Variants in WDR11 observed in about 807,000 individuals in gnomAD.
WDR11 encodes WD repeat domain 11.
Under a neutral mutation model 151.2 loss-of-function variants are expected in WDR11, and 83 were observed. That is an observed-to-expected ratio of 0.55 (90% CI 0.46 to 0.66). The LOEUF is 0.66. Among genes scored for constraint, WDR11 ranks in the 30% least tolerant of loss-of-function variants. The pLI is 0.00. For synonymous variants in WDR11, 484 were observed against 533.1 expected (o/e 0.91, Z 1.27); for missense variants, 1,301 against 1,480.9 (o/e 0.88, Z 1.99).
chr10:120,896,788 G>A (rs1847629780), intron 19 of WDR11, among the ~76,000 whole-genome samples: 1 of 152,100 alleles, frequency 6.6e-6, no homozygotes, highest in African/African-American at 2.4e-5. Context: ...TGGCGGTGGT[G>A]GGAAGAAACA....
At chr10:120,889,763 G>T (rs1847354026) in intron 17 of WDR11, 132 bp from the exon 18 acceptor site, 1 of 727,440 alleles carries the variant, frequency 1.4e-6, no homozygotes, top group Non-Finnish European at 2.5e-6. Flanking sequence ...GTGGCCCCCA[G>T]TCCCAGCAAG....
At chr10:120,889,565 C>T in intron 17 of WDR11, 1 of 419,456 alleles carries the variant, frequency 2.4e-6, no homozygotes, top group Non-Finnish European at 4.4e-6. Flanking sequence ...GATATGGTTC[C>T]ATTAGAGGCT....
intron 24 of WDR11, 31 bp from the exon 25 acceptor site, chr10:120,904,615 T>C: frequency 6.2e-7 from 1 of 1,613,870 alleles, no homozygotes; most frequent in Non-Finnish European, 8.5e-7. Context: ...GAAAATGTTC[T>C]CATAATTAGA....
chr10:120,885,480 C>T (rs4372362), intron 14 of WDR11, among the ~76,000 whole-genome samples: 1 of 151,748 alleles, frequency 6.6e-6, no homozygotes, highest in Non-Finnish European at 1.5e-5. Context: ...GACCCTGGTT[C>T]GAGAACTGTG....
chr10:120,859,260 CTTTTTTTTTTTCT>C (rs1331199704), intron 3 of WDR11, among the ~76,000 whole-genome samples: 6 of 136,228 alleles, frequency 4.4e-5, no homozygotes, highest in African/African-American at 1.7e-4. Flanking sequence ...GTACGGTATT[CTTTTTTTTTTTCT>C]TTTTTTTTTT....
Position 120,886,785 on chromosome 10 carries a change from T to A in WDR11, c.2070T>A (p.His690Gln), listed in dbSNP as rs318240761. Residue 690 changes from histidine (H) to glutamine (Q), a missense_variant, in exon 16 of 29, where the codon CAT becomes CAA. By Grantham distance (24) the His-to-Gln change is conservative. This residue lies in a region of WDR11 where 589 missense variants were observed against 670.6 expected (regional missense o/e 0.88). Transcript: ENST00000263461. ...VFTDIDGQVY[H>Q]LTVEGNSVKD... ...CCGATATTGATGGCCAAGTGTATCA[T>A]CTCACTGTTGAAGGAAACTCAGTAA... is the stretch of plus-strand genomic sequence containing the variant. 7.9e-5 allele frequency: 127 copies of A among 1,613,956 alleles called. No individual in the cohort carries two copies. The highest frequency in any genetic ancestry group is 1.0e-4 in the Non-Finnish European group (122 of 1,179,992).
At chr10:120,876,881 C>G (rs1044283281) in intron 11 of WDR11, among the ~76,000 whole-genome samples, 1 of 152,210 alleles carries the variant, frequency 6.6e-6, no homozygotes, top group African/African-American at 2.4e-5. Flanking sequence ...GGAATTCACT[C>G]TGGGCCTTTG....
chr10:120,870,709 C>G (rs974858817), intron 9 of WDR11, among the ~76,000 whole-genome samples: 2 of 152,114 alleles, frequency 1.3e-5, no homozygotes, highest in Non-Finnish European at 2.9e-5. Flanking sequence ...TTATTTAAAT[C>G]TGTTTTTCAT....
intron 13 of WDR11, among the ~76,000 whole-genome samples, chr10:120,882,545 T>TTTTG (rs1197710644): frequency 1.7e-5 from 1 of 59,554 alleles, no homozygotes; most frequent in African/African-American, 4.8e-5. Flanking sequence ...TTCAGTTTTG[T>TTTTG]TTTTTTTTTT....
chr10:120,874,190 T>TTTGTTG (rs1554854853), intron 11 of WDR11, among the ~76,000 whole-genome samples: 85 of 105,114 alleles, frequency 8.1e-4, no homozygotes, highest in East Asian at 4.6e-3. Context: ...TTTTTTTTTT[T>TTTGTTG]TTGTTGTTGT....
intron 1 of WDR11, chr10:120,852,052 A>G (rs1845795048): frequency 4.5e-6 from 1 of 224,020 alleles, no homozygotes; most frequent in Non-Finnish European, 8.9e-6. Flanking sequence ...TGCAGCTCTG[A>G]AAACTACTCA....
intron 1 of WDR11, chr10:120,851,822 C>T (rs751498201): frequency 2.1e-6 from 1 of 483,096 alleles, no homozygotes; most frequent in Non-Finnish European, 3.8e-6. Flanking sequence ...GCTTCTCTCT[C>T]TCCACCATTA....
At chr10:120,888,900 A>G (rs1030870430) in intron 16 of WDR11, among the ~76,000 whole-genome samples, 178 bp from the exon 17 acceptor site, 3 of 151,870 alleles carry the variant, frequency 2.0e-5, no homozygotes, top group Non-Finnish European at 2.9e-5. Flanking sequence ...CTATTTCTTC[A>G]TAGTTGAAAT....
At chr10:120,885,697 T>G (rs1847193060) in intron 14 of WDR11, 117 bp from the exon 15 acceptor site, 1 of 1,279,278 alleles carries the variant, frequency 7.8e-7, no homozygotes, top group African/African-American at 1.5e-5. Context: ...AAATGTGGAT[T>G]CATGTGTAGT....
At chr10:120,904,270 A>C in intron 24 of WDR11, 128 bp downstream of exon 24, 1 of 750,016 alleles carries the variant, frequency 1.3e-6, no homozygotes, top group Non-Finnish European at 2.2e-6. Flanking sequence ...CCCTGTAGAC[A>C]GTTTAGGCTT....
chr10:120,871,165 A>C lies in WDR11; in HGVS notation c.1295-5A>C, dbSNP rs778442535. 1.2e-6 allele frequency: 2 copies of C among 1,614,168 alleles called. No individual in the cohort carries two copies. The highest frequency in any genetic ancestry group is 1.7e-6 in the Non-Finnish European group (2 of 1,180,024). On this transcript the variant is annotated splice_region_variant and splice_polypyrimidine_tract_variant and intron_variant, in intron 9 of 28. Coordinates refer to ENST00000263461, the MANE Select transcript of WDR11 (RefSeq NM_018117.12). ...AATATATTTGTTATTTTTATTACAAATCAGGGCAAAGTGCAATTGCTGGGG... is the reference window on the plus strand; with the variant it reads ...AATATATTTGTTATTTTTATTACAACTCAGGGCAAAGTGCAATTGCTGGGG...
In WDR11 at chr10:120,863,611, T is replaced by C. The variant is rs975488479; in HGVS notation, c.713+690T>C. Among the ~76,000 whole-genome samples, 4 of 152,218 alleles carry C rather than the reference T, an allele frequency of 2.6e-5. No homozygotes were observed. In the East Asian group the frequency reaches 7.7e-4, roughly 29 times the overall value. On this transcript the variant is annotated intron_variant, in intron 5 of 28. Transcript: ENST00000263461. ...AGTTTATTTTAAGTAATTTGATGTA[T>C]TCAAAATAGGTTTCTTTCTTTTTCC...
At chr10:120,906,733 T>G (rs1400620267) in intron 27 of WDR11, 43 bp from the exon 28 acceptor site, 2 of 1,613,876 alleles carry the variant, frequency 1.2e-6, no homozygotes, top group Non-Finnish European at 1.7e-6. Context: ...CCACCAGTGA[T>G]GTAAATCACA....
intron 10 of WDR11, among the ~76,000 whole-genome samples, chr10:120,873,019 TAG>T (rs1846602831): frequency 1.3e-5 from 2 of 152,186 alleles, no homozygotes; most frequent in Non-Finnish European, 2.9e-5. Context: ...AAAAACACTA[TAG>T]AGACTGAAGC....
Sources: allele counts gnomAD v4.1 joint callset (sites outside exome capture counted in the v4.1 genomes callset), GRCh38; gene constraint gnomAD v4.1.1; regional missense constraint gnomAD v4.1.1; transcripts MANE v1.5; gene names NCBI Gene and HGNC (gene_info 2026-07-23, HGNC 2026-07-21).